Variants in PRKCB observed in about 807,000 individuals in gnomAD.
PRKCB encodes the protein protein kinase C beta.
PRKCB carries 13 observed loss-of-function variants against 81.5 expected under a neutral mutation model. That is an observed-to-expected ratio of 0.16 (90% CI 0.10 to 0.25). The LOEUF (loss-of-function observed/expected upper bound fraction) is 0.25, where lower values mean the gene tolerates loss of function less well. Ranked by LOEUF, PRKCB falls within the 10% of genes least tolerant of loss-of-function variation. PRKCB has a pLI of 1.00. For missense variants in PRKCB, 509 were observed against 875.7 expected, an observed-to-expected ratio of 0.58 and a Z score of 5.29; for synonymous variants, 335 against 321.4, an observed-to-expected ratio of 1.04 and a Z score of -0.45.
chr16:24,104,753 T>C (rs2141910589), intron 7 of PRKCB, among the ~76,000 whole-genome samples: 1 of 152,120 alleles, frequency 6.6e-6, no homozygotes, highest in East Asian at 1.9e-4. Flanking sequence ...ACCCGGCAAG[T>C]TGGAAGAGCA....
At chr16:24,107,643 G>A (rs1966595371) in intron 7 of PRKCB, among the ~76,000 whole-genome samples, 1 of 152,228 alleles carries the variant, frequency 6.6e-6, no homozygotes, top group Non-Finnish European at 1.5e-5. Context: ...GGAGGCAGTA[G>A]TGGCAGCGTC....
intron 3 of PRKCB, among the ~76,000 whole-genome samples, chr16:24,013,131 A>G (rs1190165630): frequency 2.0e-5 from 3 of 152,084 alleles, no homozygotes; most frequent in Non-Finnish European, 4.4e-5. Context: ...CTCAAGCATC[A>G]CTTCCTCAGG....
chr16:24,024,721 G>C (rs1222914158), intron 3 of PRKCB, among the ~76,000 whole-genome samples: 2 of 152,216 alleles, frequency 1.3e-5, no homozygotes, highest in Non-Finnish European at 2.9e-5. Context: ...CTTGAGCCAA[G>C]TGTCCACCTC....
intron 2 of PRKCB, among the ~76,000 whole-genome samples, chr16:23,863,169 TATGTATATATGTGTATACATACATAC>T (rs1358192648): frequency 2.7e-5 from 4 of 146,376 alleles, no homozygotes; most frequent in Non-Finnish European, 6.0e-5. Flanking sequence ...CATGCATATA[TATGTATATATGTGTATACATACATAC>T]GTATATATGT....
intron 2 of PRKCB, among the ~76,000 whole-genome samples, chr16:23,869,927 C>T (rs920914071): frequency 1.3e-5 from 2 of 151,330 alleles, no homozygotes; most frequent in African/African-American, 4.9e-5. Context: ...GAGGCTGAAG[C>T]AGGAGAATCG....
intron 2 of PRKCB, 73 bp downstream of exon 2, chr16:23,837,479 GAGTT>G (rs1962185465): frequency 6.5e-7 from 1 of 1,542,124 alleles, no homozygotes; most frequent in Non-Finnish European, 8.8e-7. Context: ...AGAAGTTACT[GAGTT>G]AGGCAGAGAG....
At chr16:23,854,981 G>A (rs147669878) in intron 2 of PRKCB, among the ~76,000 whole-genome samples, 4 of 152,214 alleles carry the variant, frequency 2.6e-5, no homozygotes, top group Non-Finnish European at 4.4e-5. Context: ...CAAAGGATAC[G>A]GCCAGGACTT....
intron 3 of PRKCB, among the ~76,000 whole-genome samples, chr16:24,018,023 C>T (rs138427574): frequency 0.012 from 1,875 of 151,292 alleles, 38 homozygotes; most frequent in African/African-American, 0.044. Context: ...CTCAGCCTCC[C>T]GAGTAGCTGG....
chr16:24,044,164 G>A (rs761224948), intron 5 of PRKCB, among the ~76,000 whole-genome samples: 1 of 152,070 alleles, frequency 6.6e-6, no homozygotes, highest in African/African-American at 2.4e-5. Context: ...AAACCAGTCT[G>A]GCCAACATGG....
chr16:24,198,311 T>G (rs1967908292), intron 16 of PRKCB, among the ~76,000 whole-genome samples: 1 of 152,180 alleles, frequency 6.6e-6, no homozygotes, highest in South Asian at 2.1e-4. Context: ...CTGTCACTCT[T>G]CCTCTGAAAG....
Position 24,154,670 on chromosome 16 carries a change from G to T in PRKCB, c.1066-14G>T. On this transcript the variant is annotated splice_polypyrimidine_tract_variant and intron_variant, in intron 9 of 16. Coordinates refer to ENST00000643927, the MANE Select transcript of PRKCB (RefSeq NM_002738.7). ...TCCTTCCAACTGCCCTGACATGCTT[G>T]CTCTCTTTCCCAGGTCATGCTTTCA... The T allele has an allele frequency of 6.2e-7, 1 of 1,613,708 alleles. No homozygotes were observed. The highest frequency in any genetic ancestry group is 8.5e-7 in the Non-Finnish European group (1 of 1,179,700).
At chr16:23,982,983 C>A (rs1465689501) in intron 2 of PRKCB, among the ~76,000 whole-genome samples, 1 of 152,020 alleles carries the variant, frequency 6.6e-6, no homozygotes, top group Non-Finnish European at 1.5e-5. Flanking sequence ...AGGCTTTCAA[C>A]CTTTGTAGAG....
intron 2 of PRKCB, among the ~76,000 whole-genome samples, chr16:23,887,199 CAT>C (rs1468549159): frequency 6.6e-6 from 1 of 152,094 alleles, no homozygotes; most frequent in Non-Finnish European, 1.5e-5. Flanking sequence ...TTCTTTGAAA[CAT>C]ATTTTGTTTT....
chr16:23,900,073 G>A (rs1428502425), intron 2 of PRKCB, among the ~76,000 whole-genome samples: 1 of 152,110 alleles, frequency 6.6e-6, no homozygotes, highest in African/African-American at 2.4e-5. Flanking sequence ...AATGTCTGGA[G>A]ACATTTTGTT....
intron 2 of PRKCB, among the ~76,000 whole-genome samples, chr16:23,967,369 T>C (rs958033166): frequency 6.6e-6 from 1 of 152,190 alleles, no homozygotes; most frequent in Non-Finnish European, 1.5e-5. Flanking sequence ...ATGGGGGCGA[T>C]AGGGTGGTGA....
intron 3 of PRKCB, among the ~76,000 whole-genome samples, chr16:24,002,770 A>G (rs1212549897): frequency 6.6e-6 from 1 of 152,122 alleles, no homozygotes; most frequent in African/African-American, 2.4e-5. Flanking sequence ...GCATGCGGGG[A>G]TGGGAGACAT....
At chr16:24,067,312 A>G (rs1044057786) in intron 5 of PRKCB, among the ~76,000 whole-genome samples, 2 of 151,488 alleles carry the variant, frequency 1.3e-5, no homozygotes, top group East Asian at 2.0e-4. Context: ...TTTTTTTAAA[A>G]TTTTTTAGAC....
Position 24,218,529 on chromosome 16 carries a change from CAT to C in PRKCB, c.*3715_*3716del. 3 of 985,452 alleles carry C rather than the reference CAT, an allele frequency of 3.0e-6. No individual in the cohort carries two copies. The highest frequency in any genetic ancestry group is 3.6e-6 in the Non-Finnish European group (3 of 829,958). The allele number at this position is 985,452 out of a possible 1,614,324, so 61.0% of individuals were successfully genotyped here. ...TGCCCACCTCACTCCCACACCCTCACATAGACTTGGCAAGAGTAAGGAGGGAA... is the reference window on the plus strand; with the variant it reads ...TGCCCACCTCACTCCCACACCCTCACAGACTTGGCAAGAGTAAGGAGGGAA... On this transcript the variant is annotated 3_prime_UTR_variant, in exon 17 of 17. Transcript: ENST00000643927.
intron 5 of PRKCB, among the ~76,000 whole-genome samples, chr16:24,037,887 G>A (rs1204351510): frequency 6.6e-6 from 1 of 150,582 alleles, no homozygotes; most frequent in African/African-American, 2.4e-5. Context: ...GAAACGAAAA[G>A]AAAAAGAAAA....
Sources: gnomAD v4.1 joint callset for allele counts (sites outside exome capture counted in the v4.1 genomes callset) on GRCh38, gnomAD v4.1.1 for gene constraint, MANE v1.5 for transcripts, NCBI Gene and HGNC (gene_info 2026-07-23, HGNC 2026-07-21) for gene names.